NEMP2: variants seen among roughly 807,000 people sequenced by gnomAD.
NEMP2 encodes UPF0571 transmembrane protein.
In NEMP2, 53 loss-of-function variants were observed where a neutral mutation model predicts 54.2. The ratio of observed to expected loss-of-function variants is 0.98; its 90% CI spans 0.78 to 1.23. NEMP2 has a LOEUF of 1.23. Ranked by LOEUF, NEMP2 falls within the 50% of genes most tolerant of loss-of-function variation. The pLI is 0.00. For missense variants in NEMP2, 455 were observed against 511.3 expected, an observed-to-expected ratio of 0.89 and a Z score of 1.06; for synonymous variants, 197 against 190.3, an observed-to-expected ratio of 1.04 and a Z score of -0.29.
the NEMP2 span, among the ~76,000 whole-genome samples, chr2:190,571,148 T>C: frequency 6.6e-6 from 1 of 152,358 alleles, no homozygotes; most frequent in East Asian, 1.9e-4. Context: ...ATAGTAATTG[T>C]ACCCATCTAA....
the NEMP2 span, among the ~76,000 whole-genome samples, chr2:190,452,639 C>G: frequency 8.5e-5 from 13 of 152,334 alleles, no homozygotes; most frequent in East Asian, 2.1e-3. Context: ...AACCCAGTCT[C>G]ACCTCTTAGT....
chr2:190,559,521 G>A, the NEMP2 span, among the ~76,000 whole-genome samples: 1 of 152,162 alleles, frequency 6.6e-6, no homozygotes, highest in Non-Finnish European at 1.5e-5. The surrounding 1 kb of genome is among the most constrained non-coding windows in gnomAD (Gnocchi z 4.0). Flanking sequence ...TCACTTCAGA[G>A]GATGAAGAAG....
At chr2:190,429,364 C>T in the NEMP2 span, among the ~76,000 whole-genome samples, 55 of 150,560 alleles carry the variant, frequency 3.7e-4, 1 homozygote, top group East Asian at 9.1e-3. Context: ...CTCACTCTGT[C>T]GCCCAGCCTG....
chr2:190,622,639 G>A, the NEMP2 span, among the ~76,000 whole-genome samples: 3 of 152,030 alleles, frequency 2.0e-5, no homozygotes, highest in Non-Finnish European at 2.9e-5. Context: ...ACCAAAGCAC[G>A]ACAACAAAAA....
the NEMP2 span, among the ~76,000 whole-genome samples, chr2:190,567,119 A>C: frequency 6.6e-6 from 1 of 152,214 alleles, no homozygotes; most frequent in Non-Finnish European, 1.5e-5. The surrounding 1 kb of genome is among the most constrained non-coding windows in gnomAD (Gnocchi z 4.0). Flanking sequence ...TCTATAAAAT[A>C]AAAGCAGAAT....
At chr2:190,460,621 C>T in the NEMP2 span, among the ~76,000 whole-genome samples, 13 of 152,196 alleles carry the variant, frequency 8.5e-5, no homozygotes, top group African/African-American at 3.1e-4. Context: ...ATGCAGAATG[C>T]AGTCAGGTTG....
the NEMP2 span, chr2:190,608,476 G>A: frequency 6.6e-6 from 1 of 152,206 alleles, no homozygotes; most frequent in African/African-American, 2.4e-5. The surrounding 1 kb of genome is among the most constrained non-coding windows in gnomAD (Gnocchi z 4.9). Flanking sequence ...CATAGAGTAT[G>A]ATAAGTGCTT....
the NEMP2 span, chr2:190,624,557 C>G: frequency 6.6e-6 from 1 of 152,170 alleles, no homozygotes; most frequent in Non-Finnish European, 1.5e-5. Context: ...TAGAATCAAC[C>G]TATGTGTCCA....
the NEMP2 span, chr2:190,444,893 A>T: frequency 1.2e-6 from 1 of 831,392 alleles, no homozygotes; most frequent in Non-Finnish European, 1.4e-6. Context: ...GTAAAAAGTG[A>T]CGTTAATCTT....
Position 190,521,354 on chromosome 2 carries a change from G to A in NEMP2, c.214-2171C>T, listed in dbSNP as rs1057489467. ...CACATGCTCTGCTTCCTGCCTGTGG[G>A]GAGGAAATTTCTTCCACAGAGGAAA... On this transcript the variant is annotated intron_variant, in intron 2 of 8. Coordinates refer to ENST00000409150, the MANE Select transcript of NEMP2 (RefSeq NM_001142645.2). This position sits in a 1 kb window ranked among gnomAD's most constrained non-coding sequence, Gnocchi z 6.2. 5.3e-5 allele frequency among the ~76,000 whole-genome samples: 8 copies of A among 152,042 alleles called. No homozygotes were observed. Among genetic ancestry groups the A allele is most frequent in the African/African-American group, 1.9e-4 (8 of 41,388 alleles).
the NEMP2 span, among the ~76,000 whole-genome samples, chr2:190,560,363 C>T: frequency 0.24 from 36,339 of 152,076 alleles, 5,121 homozygotes; most frequent in South Asian, 0.33. The surrounding 1 kb of genome is among the most constrained non-coding windows in gnomAD (Gnocchi z 5.4). Context: ...ATATGACTAG[C>T]TTCTCAAATG....
chr2:190,478,896 A>G, the NEMP2 span, among the ~76,000 whole-genome samples: 1 of 151,888 alleles, frequency 6.6e-6, no homozygotes, highest in Non-Finnish European at 1.5e-5. Flanking sequence ...TCCCCAAAAC[A>G]CCACGAGAAC....
chr2:190,599,866 C>T, the NEMP2 span, among the ~76,000 whole-genome samples: 1 of 152,160 alleles, frequency 6.6e-6, no homozygotes, highest in Non-Finnish European at 1.5e-5. Context: ...CCCCATCCCC[C>T]CATCCCAATC....
In NEMP2 at chr2:190,510,372, G is replaced by A. The variant is rs146068795; in HGVS notation, c.1119C>T (p.His373=). The A allele has an allele frequency of 1.9e-6, 3 of 1,551,712 alleles. No homozygotes were observed. The highest frequency in any genetic ancestry group is 2.6e-6 in the Non-Finnish European group (3 of 1,146,998). The change falls in exon 8 of 9, where the codon CAC becomes CAT. Residue 373 remains histidine (H), a synonymous_variant. Coordinates refer to ENST00000409150, the MANE Select transcript of NEMP2 (RefSeq NM_001142645.2). This position sits in a 1 kb window ranked among gnomAD's most constrained non-coding sequence, Gnocchi z 5.7. ...AGAGCGGGACTTACTTGCTAGGAGTGTGGAGTCTGGAGACGACCAGCCATG... is the reference window on the plus strand; with the variant it reads ...AGAGCGGGACTTACTTGCTAGGAGTATGGAGTCTGGAGACGACCAGCCATG... ...FPSWLVVSRL[H]TPSKFADFVL...
At chr2:190,459,171 T>C in the NEMP2 span, among the ~76,000 whole-genome samples, 1 of 152,354 alleles carries the variant, frequency 6.6e-6, no homozygotes, top group African/African-American at 2.4e-5. This position sits in a 1 kb window ranked among gnomAD's most constrained non-coding sequence, Gnocchi z 5.3. Flanking sequence ...TCTCTTTTGT[T>C]TTCGTCAGTG....
chr2:190,567,863 G>T, the NEMP2 span, among the ~76,000 whole-genome samples: 2 of 152,088 alleles, frequency 1.3e-5, no homozygotes, highest in Non-Finnish European at 2.9e-5. This position sits in a 1 kb window ranked among gnomAD's most constrained non-coding sequence, Gnocchi z 4.0. Context: ...TGGCCAGGAT[G>T]GTCTCGATCT....
the NEMP2 span, among the ~76,000 whole-genome samples, chr2:190,623,123 A>C: frequency 2.2e-4 from 33 of 152,292 alleles, no homozygotes; most frequent in Admixed American, 1.7e-3. Context: ...AAGAAGTGAA[A>C]GATTTATGCA....
At chr2:190,545,109 G>A in the NEMP2 span, among the ~76,000 whole-genome samples, 1 of 141,194 alleles carries the variant, frequency 7.1e-6, no homozygotes, top group Non-Finnish European at 1.5e-5. Context: ...TCAAAAGTAA[G>A]TAAATAAATA....
the NEMP2 span, among the ~76,000 whole-genome samples, chr2:190,579,350 A>C: frequency 1.3e-5 from 2 of 151,018 alleles, no homozygotes; most frequent in African/African-American, 4.9e-5. Flanking sequence ...GTTCAAAACT[A>C]GGAGAGGTTA....
Sources: allele counts gnomAD v4.1 joint callset (sites outside exome capture counted in the v4.1 genomes callset), GRCh38; gene constraint gnomAD v4.1.1; non-coding constraint Gnocchi (gnomAD v3.1); transcripts MANE v1.5; gene names NCBI Gene and HGNC (gene_info 2026-07-23, HGNC 2026-07-21).